ELMO1: variants seen among roughly 807,000 people sequenced by gnomAD.
ELMO1 encodes engulfment and cell motility protein 1.
In ELMO1, 26 loss-of-function variants were observed where a neutral mutation model predicts 98.9. The ratio of observed to expected loss-of-function variants is 0.26; its 90% CI spans 0.19 to 0.36. ELMO1 has a LOEUF of 0.36. ELMO1 is among the 10% of genes least tolerant of loss of function. The pLI is 1.00. For synonymous variants in ELMO1, 346 were observed against 346.0 expected, an observed-to-expected ratio of 1.00 and a Z score of 0.00; for missense variants, 627 against 935.2, an observed-to-expected ratio of 0.67 and a Z score of 4.30.
intron 7 of ELMO1, among the ~76,000 whole-genome samples, 170 bp from the exon 8 acceptor site, chr7:37,233,364 A>T (rs1794287928): frequency 6.6e-6 from 1 of 151,224 alleles, no homozygotes; most frequent in Non-Finnish European, 1.5e-5. Context: ...AAGGGGCAGG[A>T]CGGCCTTGAT....
chr7:37,207,038 T>C (rs1157825216), intron 13 of ELMO1, among the ~76,000 whole-genome samples: 1 of 152,036 alleles, frequency 6.6e-6, no homozygotes, highest in Non-Finnish European at 1.5e-5. Context: ...AAATTGGAAA[T>C]AAACCAGAGA....
At chr7:37,119,759 A>G (rs1281032678) in intron 14 of ELMO1, among the ~76,000 whole-genome samples, 3 of 152,226 alleles carry the variant, frequency 2.0e-5, no homozygotes, top group Non-Finnish European at 2.9e-5. Flanking sequence ...CTGTCTCACA[A>G]CTGCACGAAA....
chr7:37,237,561 A>T (rs1158692774), intron 7 of ELMO1, among the ~76,000 whole-genome samples: 1 of 152,210 alleles, frequency 6.6e-6, no homozygotes, highest in Non-Finnish European at 1.5e-5. Flanking sequence ...AAGTGCTGGG[A>T]TTACAGGCGT....
chr7:37,274,083 G>T lies in ELMO1; in HGVS notation c.193-2201C>A, dbSNP rs150690342. 1.6e-3 allele frequency among the ~76,000 whole-genome samples: 243 copies of T among 152,236 alleles called. 1 individual carries two copies. The highest frequency in any genetic ancestry group is 5.2e-3 in the African/African-American group (218 of 41,538). On this transcript the variant is annotated intron_variant, in intron 4 of 21. Transcript: ENST00000310758. ...TCCCCTGATGCACTGGGTCACCTCC[G>T]GAGAGAGCTAGCTCATTGTTACTAG...
intron 15 of ELMO1, among the ~76,000 whole-genome samples, chr7:37,050,736 A>C (rs1195487375): frequency 6.6e-6 from 1 of 151,796 alleles, no homozygotes; most frequent in Non-Finnish European, 1.5e-5. Context: ...ATTTCAAAAC[A>C]TCATGTGGTA....
rs571421511 is a variant in ELMO1 at position 36,926,470 on chromosome 7, C to A, written c.1438-31453G>T. On this transcript the variant is annotated intron_variant, in intron 16 of 21. Transcript: ENST00000310758. ...AGGGCAAATTAGTTCTTTGTGCGAC[C>A]CCCCTAGAGTCCCATGGGAGAAGTG... Among the ~76,000 whole-genome samples the A allele has an allele frequency of 6.6e-5, 10 of 152,120 alleles. No homozygotes were observed. The South Asian group carries it at 1.9e-3, about 28-fold the overall frequency.
intron 16 of ELMO1, among the ~76,000 whole-genome samples, chr7:36,899,045 A>G (rs1806278380): frequency 6.6e-6 from 1 of 152,200 alleles, no homozygotes; most frequent in Non-Finnish European, 1.5e-5. Flanking sequence ...TCTTGGTGAC[A>G]GCAGCAGCCT....
intron 13 of ELMO1, among the ~76,000 whole-genome samples, chr7:37,177,016 G>T (rs149942643): frequency 6.6e-6 from 1 of 152,276 alleles, no homozygotes; most frequent in East Asian, 1.9e-4. Flanking sequence ...AAGTGACCCA[G>T]CAGAAATGGA....
At chr7:37,313,787 C>T (rs768764555) in intron 4 of ELMO1, among the ~76,000 whole-genome samples, 3 of 152,170 alleles carry the variant, frequency 2.0e-5, no homozygotes, top group Non-Finnish European at 2.9e-5. Flanking sequence ...GATAAAATTA[C>T]AGTCACTCTA....
At chr7:36,984,964 G>C in intron 16 of ELMO1, 4 of 985,362 alleles carry the variant, frequency 4.1e-6, no homozygotes, top group Non-Finnish European at 1.2e-6. Flanking sequence ...AATCCTGCTC[G>C]GTGCTTGGGT....
chr7:37,073,937 C>T (rs1797420302), intron 15 of ELMO1, among the ~76,000 whole-genome samples: 2 of 151,078 alleles, frequency 1.3e-5, no homozygotes, highest in East Asian at 3.9e-4. Context: ...TTCTATGTAT[C>T]TTATACAGTC....
In ELMO1 at chr7:36,929,226, G is replaced by A. The variant is rs1337535217; in HGVS notation, c.1438-34209C>T. 6.6e-5 allele frequency among the ~76,000 whole-genome samples: 10 copies of A among 152,150 alleles called. No homozygotes were observed. In the South Asian group the frequency reaches 1.2e-3, roughly 19 times the overall value. On this transcript the variant is annotated intron_variant, in intron 16 of 21. Coordinates refer to ENST00000310758, the MANE Select transcript of ELMO1 (RefSeq NM_014800.11). ...ACTTCCTGATGTCCAGGGGCTGGCC[G>A]CACCACCAGCACTGCACTGACTCTT...
At chr7:37,006,684 G>T (rs1467162229) in intron 16 of ELMO1, among the ~76,000 whole-genome samples, 4 of 152,182 alleles carry the variant, frequency 2.6e-5, no homozygotes, top group Non-Finnish European at 5.9e-5. Context: ...TACAATTTCA[G>T]GGGGAGGGTG....
intron 15 of ELMO1, among the ~76,000 whole-genome samples, chr7:37,087,165 T>C (rs910282622): frequency 6.6e-6 from 1 of 152,236 alleles, no homozygotes; most frequent in African/African-American, 2.4e-5. Flanking sequence ...CTAAGTTTCG[T>C]TTATTCACTA....
At chr7:36,862,171 G>A in intron 20 of ELMO1, 1 of 185,430 alleles carries the variant, frequency 5.4e-6, no homozygotes, top group South Asian at 1.1e-4. Context: ...ACAGGATTAA[G>A]GACTGCCCTT....
chr7:37,241,678 G>C (rs1794770950), intron 7 of ELMO1, among the ~76,000 whole-genome samples: 1 of 151,896 alleles, frequency 6.6e-6, no homozygotes, highest in South Asian at 2.1e-4. Context: ...GTTTTTAGTT[G>C]TGACTCTGTG....
intron 2 of ELMO1, among the ~76,000 whole-genome samples, chr7:37,327,181 T>C (rs1799864823): frequency 6.6e-6 from 1 of 152,208 alleles, no homozygotes. Context: ...CACCATGCCT[T>C]TGTAATCAAG....
At chr7:37,383,945 A>G (rs1039385338) in intron 1 of ELMO1, among the ~76,000 whole-genome samples, 6 of 152,120 alleles carry the variant, frequency 3.9e-5, no homozygotes, top group Non-Finnish European at 8.8e-5. Context: ...CCTCCTGAGT[A>G]GCTGGGACTA....
chr7:37,211,593 T>G, intron 12 of ELMO1, 76 bp from the exon 13 acceptor site: 1 of 1,545,164 alleles, frequency 6.5e-7, no homozygotes, highest in Non-Finnish European at 8.7e-7. Context: ...ATATACTCCC[T>G]CTTTCCCTGG....
Sources: gnomAD v4.1 joint callset for allele counts (sites outside exome capture counted in the v4.1 genomes callset) on GRCh38, gnomAD v4.1.1 for gene constraint, MANE v1.5 for transcripts, NCBI Gene and HGNC (gene_info 2026-07-23, HGNC 2026-07-21) for gene names.